Variants in WWOX observed in about 807,000 individuals in gnomAD.
WWOX encodes the protein WW domain-containing oxidoreductase.
WWOX carries 69 observed loss-of-function variants against 46.2 expected under a neutral mutation model. The ratio of observed to expected loss-of-function variants is 1.49; its 90% CI spans 1.23 to 1.82. The LOEUF (loss-of-function observed/expected upper bound fraction) is 1.82. Among genes scored for constraint, WWOX ranks in the 40% most tolerant of loss-of-function variants. The pLI is 0.00. For missense variants in WWOX, 919 were observed against 542.6 expected, an observed-to-expected ratio of 1.69 and a Z score of -6.89; for synonymous variants, 359 against 202.6, an observed-to-expected ratio of 1.77 and a Z score of -6.56.
At chr16:78,164,038 A>G (rs2034885038) in intron 4 of WWOX, 145 bp from the exon 5 acceptor site, 2 of 766,490 alleles carry the variant, frequency 2.6e-6, no homozygotes, top group Non-Finnish European at 4.6e-6. Flanking sequence ...ATGTCTCCAG[A>G]CATTTGCTTC....
At chr16:78,685,691 G>A (rs1320596806) in intron 8 of WWOX, among the ~76,000 whole-genome samples, 3 of 152,214 alleles carry the variant, frequency 2.0e-5, no homozygotes, top group Non-Finnish European at 4.4e-5. Context: ...GCTTAGCACA[G>A]AACTCCTGTC....
At chr16:78,131,017 C>A (rs12934734) in intron 4 of WWOX, among the ~76,000 whole-genome samples, 3 of 152,084 alleles carry the variant, frequency 2.0e-5, no homozygotes, top group African/African-American at 7.2e-5. Flanking sequence ...AGCATGGTAC[C>A]GAACTGAATA....
At chr16:78,153,275 T>G (rs1416740581) in intron 4 of WWOX, among the ~76,000 whole-genome samples, 1 of 152,190 alleles carries the variant, frequency 6.6e-6, no homozygotes, top group East Asian at 1.9e-4. Flanking sequence ...CATCTGGAAA[T>G]GCCTGTGGGG....
At chr16:78,357,926 G>A (rs897258097) in intron 5 of WWOX, among the ~76,000 whole-genome samples, 27 of 152,304 alleles carry the variant, frequency 1.8e-4, no homozygotes, top group African/African-American at 5.8e-4. Flanking sequence ...AGCGGTGGAC[G>A]CATTGAGTAG....
intron 1 of WWOX, among the ~76,000 whole-genome samples, chr16:78,101,160 G>A (rs2031752956): frequency 6.6e-6 from 1 of 151,188 alleles, no homozygotes; most frequent in Non-Finnish European, 1.5e-5. Flanking sequence ...CCATTCTCCT[G>A]CCTCAGCCTC....
chr16:79,194,913 G>T (rs920335157), intron 8 of WWOX, among the ~76,000 whole-genome samples: 2 of 152,058 alleles, frequency 1.3e-5, no homozygotes, highest in African/African-American at 4.8e-5. Context: ...CAAACTAAAG[G>T]ATGAGAAAGA....
chr16:79,052,038 ATTT>A (rs200049742), intron 8 of WWOX, among the ~76,000 whole-genome samples: 3 of 145,590 alleles, frequency 2.1e-5, no homozygotes, highest in African/African-American at 7.6e-5. Context: ...TTTTATTTTA[ATTT>A]TTTTTTTTTA....
intron 8 of WWOX, among the ~76,000 whole-genome samples, chr16:78,479,738 C>T (rs1185559750): frequency 6.6e-6 from 1 of 152,184 alleles, no homozygotes; most frequent in Non-Finnish European, 1.5e-5. Context: ...GTGACAGCCT[C>T]TGGCCTGGGA....
Position 78,631,012 on chromosome 16 carries a change from C to T in WWOX, c.1056+198260C>T, listed in dbSNP as rs139494701. The stretch of plus-strand genomic sequence containing the variant: ...TGTCATTATTCCTTAAACAATCCAA[C>T]ATAACCACTATTTATATCGTGTTTA... On this transcript the variant is annotated intron_variant, in intron 8 of 8. Coordinates refer to ENST00000566780, the MANE Select transcript of WWOX (RefSeq NM_016373.4). 5.0e-3 allele frequency among the ~76,000 whole-genome samples: 764 copies of T among 152,224 alleles called. 4 individuals carry two copies. The highest frequency in any genetic ancestry group is 8.1e-3 in the Non-Finnish European group (549 of 68,008).
chr16:79,210,092 G>A (rs974635848), intron 8 of WWOX, among the ~76,000 whole-genome samples: 9 of 152,146 alleles, frequency 5.9e-5, no homozygotes, highest in African/African-American at 1.7e-4. Flanking sequence ...TCATCAAGCA[G>A]CCAGTTATTA....
intron 4 of WWOX, among the ~76,000 whole-genome samples, chr16:78,134,725 G>A (rs527719280): frequency 6.6e-6 from 1 of 152,274 alleles, no homozygotes; most frequent in African/African-American, 2.4e-5. Flanking sequence ...GATCATTTAG[G>A]TGTTGTTTGC....
At chr16:78,208,227 A>G in intron 5 of WWOX, among the ~76,000 whole-genome samples, 1 of 152,232 alleles carries the variant, frequency 6.6e-6, no homozygotes, top group East Asian at 1.9e-4. Flanking sequence ...GGGATGGCGA[A>G]TCATTCTAAT....
chr16:78,985,117 G>T (rs1305395216), intron 8 of WWOX, among the ~76,000 whole-genome samples: 1 of 152,204 alleles, frequency 6.6e-6, no homozygotes, highest in African/African-American at 2.4e-5. Flanking sequence ...GAACGGATCA[G>T]ATTCCATCTG....
intron 8 of WWOX, among the ~76,000 whole-genome samples, chr16:78,956,492 C>G (rs1021284903): frequency 6.6e-6 from 1 of 152,136 alleles, no homozygotes; most frequent in African/African-American, 2.4e-5. Flanking sequence ...AATGACACAT[C>G]ATCATCACCT....
Position 78,100,551 on chromosome 16 carries a change from A to G in WWOX, c.107+666A>G, listed in dbSNP as rs184430819. Among the ~76,000 whole-genome samples the G allele has an allele frequency of 1.1e-3, 166 of 152,322 alleles. 1 individual carries two copies. The highest frequency in any genetic ancestry group is 3.9e-3 in the African/African-American group (161 of 41,582). ...CAGGCGTGAGCCACTGCGCCTAGCC[A>G]GGAGTATTTTTTAGTAGCAGTCCTA... On this transcript the variant is annotated intron_variant, in intron 1 of 8. Coordinates refer to ENST00000566780, the MANE Select transcript of WWOX (RefSeq NM_016373.4).
intron 8 of WWOX, among the ~76,000 whole-genome samples, chr16:78,713,273 CAAAAAAAAAAAA>C (rs5818165): frequency 1.2e-4 from 2 of 17,050 alleles, no homozygotes; most frequent in Non-Finnish European, 2.8e-4. Flanking sequence ...GACTCTGTCT[CAAAAAAAAAAAA>C]AAAAAAAAAA....
intron 8 of WWOX, among the ~76,000 whole-genome samples, chr16:78,558,689 T>C (rs2044362705): frequency 6.6e-6 from 1 of 152,228 alleles, no homozygotes; most frequent in Non-Finnish European, 1.5e-5. Flanking sequence ...AGCCTCCAAT[T>C]CACTGAGCTG....
chr16:78,413,484 A>G (rs1307720979), intron 6 of WWOX, among the ~76,000 whole-genome samples: 2 of 152,148 alleles, frequency 1.3e-5, no homozygotes, highest in Non-Finnish European at 2.9e-5. Context: ...TACATTCTCA[A>G]GGGTGGGGAG....
At chr16:78,524,238 C>A (rs577027201) in intron 8 of WWOX, among the ~76,000 whole-genome samples, 1 of 152,142 alleles carries the variant, frequency 6.6e-6, no homozygotes, top group Non-Finnish European at 1.5e-5. Flanking sequence ...AGGCACTTGT[C>A]ATGGTGTGAC....
Sources: gnomAD v4.1 joint callset for allele counts (sites outside exome capture counted in the v4.1 genomes callset) on GRCh38, gnomAD v4.1.1 for gene constraint, MANE v1.5 for transcripts, NCBI Gene and HGNC (gene_info 2026-07-23, HGNC 2026-07-21) for gene names.